ZNF136: variants seen among roughly 807,000 people sequenced by gnomAD.
ZNF136 encodes zinc finger protein 136 (clone pHZ-20).
Under a neutral mutation model 11.4 loss-of-function variants are expected in ZNF136, and 8 were observed. The observed-to-expected ratio is 0.70, with a 90% CI of 0.41 to 1.27. The LOEUF (loss-of-function observed/expected upper bound fraction) is 1.27, where lower values mean the gene tolerates loss of function less well. ZNF136 is among the 50% of genes most tolerant of loss of function. The probability of loss-of-function intolerance (pLI) is 0.01; values close to 1 mark genes in which losing one functional copy is unlikely to be tolerated. For missense variants in ZNF136, 590 were observed against 656.5 expected (o/e 0.90, Z 1.11); for synonymous variants, 190 against 207.1 (o/e 0.92, Z 0.71).
intron 1 of ZNF136, among the ~76,000 whole-genome samples, chr19:12,178,656 T>G (rs1914857655): frequency 6.6e-6 from 1 of 152,204 alleles, no homozygotes; most frequent in Admixed American, 6.5e-5. Context: ...TCAGATCAAC[T>G]TTATAATAAA....
intron 1 of ZNF136, chr19:12,169,493 A>G (rs1380020525): frequency 6.6e-6 from 1 of 152,254 alleles, no homozygotes; most frequent in Non-Finnish European, 1.5e-5. Context: ...GTGAGAGTGT[A>G]GTAAACTTTT....
At chr19:12,168,057 CT>C (rs386388563) in intron 1 of ZNF136, among the ~76,000 whole-genome samples, 4,087 of 70,332 alleles carry the variant, frequency 0.058, 1 homozygote, top group African/African-American at 0.1. Flanking sequence ...TTTTCTTTTT[CT>C]TTTTTTTTTT....
intron 1 of ZNF136, chr19:12,184,688 T>C (rs1915039177): frequency 1.3e-5 from 2 of 152,212 alleles, no homozygotes; most frequent in African/African-American, 4.8e-5. Context: ...GGCTTAATTT[T>C]CCCAGTAACC....
Position 12,186,600 on chromosome 19 carries a change from T to A in ZNF136, c.222T>A (p.Thr74=), listed in dbSNP as rs777289358. 15 of 1,613,502 alleles carry A rather than the reference T, an allele frequency of 9.3e-6. No individual in the cohort carries two copies. Among genetic ancestry groups the A allele is most frequent in the Non-Finnish European group, 1.3e-5 (15 of 1,179,696 alleles). ...RSHMLERLYQ[T]KDGSQRGGIF... ...ATATGTTAGAAAGACTCTATCAAAC[T>A]AAGGATGGTAGTCAGCGTGGAGGAA... is the stretch of plus-strand genomic sequence containing the variant. Residue 74 remains threonine (T), a synonymous_variant, in exon 4 of 4, where the codon ACT becomes ACA. Transcript: ENST00000343979.
chr19:12,174,177 T>A (rs1414196942), intron 1 of ZNF136, among the ~76,000 whole-genome samples: 1 of 152,202 alleles, frequency 6.6e-6, no homozygotes, highest in Non-Finnish European at 1.5e-5. Context: ...AGTGCTGAGA[T>A]TACAGGCGTG....
chr19:12,168,284 G>A (rs1914541118), intron 1 of ZNF136, among the ~76,000 whole-genome samples: 1 of 151,732 alleles, frequency 6.6e-6, no homozygotes, highest in Admixed American at 6.6e-5. Flanking sequence ...ATATTAGCCA[G>A]GCTGGTCTCC....
At chr19:12,167,362 TA>T (rs1250640245) in intron 1 of ZNF136, among the ~76,000 whole-genome samples, 1 of 152,242 alleles carries the variant, frequency 6.6e-6, no homozygotes, top group Non-Finnish European at 1.5e-5. Flanking sequence ...AATGTTTGGT[TA>T]ACAAATGTTT....
In ZNF136 at chr19:12,186,658, A is replaced by C. The variant is rs530368261; in HGVS notation, c.280A>C (p.Lys94Gln). ...CCAGTTTGCAAATCAGAATCTGAGC[A>C]AGAAAATCCCTGGAGTGAAACTCTG... ...FSQFANQNLS[K>Q]KIPGVKLCES... Residue 94 changes from lysine (K) to glutamine (Q), a missense_variant, in exon 4 of 4, where the codon AAG becomes CAG. Transcript: ENST00000343979. The C allele has an allele frequency of 6.2e-7, 1 of 1,614,208 alleles. No homozygotes were observed. The highest frequency in any genetic ancestry group is 1.1e-5 in the South Asian group (1 of 91,088).
In ZNF136 at chr19:12,186,892, G is replaced by C; in HGVS notation, c.514G>C (p.Glu172Gln). ...TGGAGAGAAACTCTATGATTGTAAG[G>C]AATGTGGAAAAACCTTCTTTTCTCT... ...HTGEKLYDCK[E>Q]CGKTFFSLKR... The change falls in exon 4 of 4, where the codon GAA becomes CAA. Residue 172 changes from glutamate to glutamine, a missense_variant. Transcript: ENST00000343979. 2 of 1,613,794 alleles carry C rather than the reference G, an allele frequency of 1.2e-6. No individual in the cohort carries two copies. The highest frequency in any genetic ancestry group is 1.7e-6 in the Non-Finnish European group (2 of 1,179,926).
intron 1 of ZNF136, chr19:12,185,380 G>C (rs947325044): frequency 6.4e-6 from 1 of 156,402 alleles, no homozygotes; most frequent in African/African-American, 2.4e-5. Context: ...AGTCCTGTTG[G>C]TCTCCTACCT....
chr19:12,172,073 G>A (rs1023142948), intron 1 of ZNF136, among the ~76,000 whole-genome samples: 1 of 150,872 alleles, frequency 6.6e-6, no homozygotes, highest in African/African-American at 2.4e-5. Context: ...TCGCCTCCTG[G>A]CGTCAGGTGT....
rs983190878 is a variant in ZNF136, at chr19:12,163,259, G to C, written c.3+53G>C. 7 of 1,353,848 alleles carry C rather than the reference G, an allele frequency of 5.2e-6. No homozygotes were observed. In the African/African-American group the frequency reaches 9.0e-5, roughly 17 times the overall value. The allele number at this position is 1,353,848 out of a possible 1,614,324, so 83.9% of individuals were successfully genotyped here. On this transcript the variant is annotated intron_variant, in intron 1 of 3. Coordinates refer to ENST00000343979, the MANE Select transcript of ZNF136 (RefSeq NM_003437.5). ...GACAGGGAGGAGGGGCTGGTTGGAC[G>C]ACCGGAACTGGCTGTGGCGCGGCCC...
At chr19:12,170,224 G>A (rs912719723) in intron 1 of ZNF136, among the ~76,000 whole-genome samples, 14 of 151,980 alleles carry the variant, frequency 9.2e-5, no homozygotes, top group African/African-American at 2.7e-4. Context: ...CACCGCGCCC[G>A]GCCTTTTGTG....
chr19:12,177,376 T>C (rs901819168), intron 1 of ZNF136, among the ~76,000 whole-genome samples: 3 of 152,258 alleles, frequency 2.0e-5, no homozygotes, highest in Non-Finnish European at 4.4e-5. Context: ...GGAGTCTCGC[T>C]CTGTAGCCCA....
At chr19:12,184,735 TTTC>T (rs1915040375) in intron 1 of ZNF136, 2 of 152,104 alleles carry the variant, frequency 1.3e-5, no homozygotes, top group Admixed American at 1.3e-4. Flanking sequence ...TCCTGGAGTG[TTTC>T]TGGGGGCTCA....
chr19:12,181,184 T>C (rs1456686019), intron 1 of ZNF136, among the ~76,000 whole-genome samples: 1 of 152,098 alleles, frequency 6.6e-6, no homozygotes, highest in African/African-American at 2.4e-5. Flanking sequence ...ACCCCGAAGA[T>C]GGGAAATGGC....
At position 12,186,791 on chromosome 19, in the gene ZNF136, A is replaced by T; in HGVS notation, c.413A>T (p.Lys138Met). Reference protein sequence around the residue: ...EPKEYQEYGEKPDTRNQCWKP... With the variant: ...EPKEYQEYGEMPDTRNQCWKP... ...AAGGAATATCAGGAATATGGAGAGA[A>T]GCCAGATACACGTAACCAGTGTTGG... Residue 138 changes from lysine to methionine, a missense_variant, in exon 4 of 4, where the codon AAG becomes ATG. By Grantham distance (95) the Lys-to-Met change is moderately conservative (BLOSUM62 -1). Coordinates refer to ENST00000343979, the MANE Select transcript of ZNF136 (RefSeq NM_003437.5). 1 of 1,614,202 alleles carries T rather than the reference A, an allele frequency of 6.2e-7. No individual in the cohort carries two copies. Among genetic ancestry groups the T allele is most frequent in the Non-Finnish European group, 8.5e-7 (1 of 1,180,024 alleles).
intron 1 of ZNF136, among the ~76,000 whole-genome samples, chr19:12,168,051 C>CTTTTGCTT (rs1914525735): frequency 3.2e-5 from 2 of 61,676 alleles, no homozygotes; most frequent in Non-Finnish European, 7.0e-5. Context: ...TTTTTCTTTT[C>CTTTTGCTT]TTTTTCTTTT....
chr19:12,181,444 T>C (rs931258728), intron 1 of ZNF136, among the ~76,000 whole-genome samples: 3 of 151,996 alleles, frequency 2.0e-5, no homozygotes, highest in Non-Finnish European at 4.4e-5. Flanking sequence ...AACTATTTGG[T>C]TTTTTTGTTT....
Sources: allele counts gnomAD v4.1 joint callset (sites outside exome capture counted in the v4.1 genomes callset), GRCh38; gene constraint gnomAD v4.1.1; transcripts MANE v1.5; gene names NCBI Gene and HGNC (gene_info 2026-07-23, HGNC 2026-07-21).